SEMA4F: variants seen among roughly 807,000 people sequenced by gnomAD.
The protein encoded by SEMA4F is semaphorin-4F.
SEMA4F carries 51 observed loss-of-function variants against 78.4 expected under a neutral mutation model. The ratio of observed to expected loss-of-function variants is 0.65; its 90% CI spans 0.52 to 0.82. SEMA4F has a LOEUF of 0.82. Among genes scored for constraint, SEMA4F ranks in the 40% least tolerant of loss-of-function variants. The pLI is 0.00. For synonymous variants in SEMA4F, 418 were observed against 408.7 expected (o/e 1.02, Z -0.27); for missense variants, 938 against 1,014.4 (o/e 0.92, Z 1.02).
the SEMA4F span, among the ~76,000 whole-genome samples, chr2:74,701,568 T>A: frequency 1.3e-5 from 2 of 152,284 alleles, no homozygotes; most frequent in East Asian, 3.9e-4. Context: ...TGCTCTGAGC[T>A]CTCGCCATGC....
Position 74,675,007 on chromosome 2 carries a change from A to G in SEMA4F, c.1121A>G (p.Asn374Ser). ...AACAGAGGACTGCCTGTCGTGGACA[A>G]TGATGTGCCCCAGCCCAGACCTGGA... The part of the protein sequence containing the change: ...DCNRGLPVVD[N>S]DVPQPRPGEC... Residue 374 changes from asparagine (N) to serine (S), a missense_variant, in exon 9 of 14, where the codon AAT becomes AGT. Physicochemically the swap from Asn to Ser is conservative, Grantham distance 46. Transcript: ENST00000357877. The G allele has an allele frequency of 1.2e-6, 2 of 1,613,978 alleles. No individual in the cohort carries two copies. Among genetic ancestry groups the G allele is most frequent in the Admixed American group, 1.7e-5 (1 of 60,020 alleles).
the SEMA4F span, among the ~76,000 whole-genome samples, chr2:74,692,971 A>G: frequency 1.3e-5 from 2 of 152,266 alleles, no homozygotes; most frequent in Non-Finnish European, 2.9e-5. Context: ...AGCATTTAGG[A>G]CATGCTGAAA....
At chr2:74,689,833 A>G in the SEMA4F span, among the ~76,000 whole-genome samples, 1 of 152,212 alleles carries the variant, frequency 6.6e-6, no homozygotes, top group Non-Finnish European at 1.5e-5. Context: ...AATGATGAAG[A>G]AAAAAATGAG....
chr2:74,654,659 G>C (rs1684024289), intron 1 of SEMA4F, 138 bp downstream of exon 1: 1 of 702,464 alleles, frequency 1.4e-6, no homozygotes, highest in Non-Finnish European at 2.2e-6. Context: ...GCCCCGCCGG[G>C]ACCGGGGCGA....
the SEMA4F span, among the ~76,000 whole-genome samples, chr2:74,697,929 G>T: frequency 2.0e-5 from 3 of 152,044 alleles, no homozygotes; most frequent in African/African-American, 7.2e-5. Flanking sequence ...CTGTGCACTG[G>T]CCTCAGCCAC....
intron 4 of SEMA4F, among the ~76,000 whole-genome samples, chr2:74,661,697 A>C (rs1684433252): frequency 6.6e-6 from 1 of 152,066 alleles, no homozygotes; most frequent in Non-Finnish European, 1.5e-5. Context: ...CTTCTTCCAG[A>C]CTCTCAGTAA....
the SEMA4F span, among the ~76,000 whole-genome samples, chr2:74,693,867 G>A: frequency 6.6e-6 from 1 of 152,044 alleles, no homozygotes; most frequent in Non-Finnish European, 1.5e-5. Flanking sequence ...GTTCCCAGTA[G>A]TGATAGATAT....
chr2:74,702,072 C>T, the SEMA4F span, among the ~76,000 whole-genome samples: 1 of 152,132 alleles, frequency 6.6e-6, no homozygotes, highest in Non-Finnish European at 1.5e-5. Flanking sequence ...CTCTTCCGAG[C>T]CTCTCAAAAA....
At chr2:74,704,038 G>A in the SEMA4F span, among the ~76,000 whole-genome samples, 3 of 152,134 alleles carry the variant, frequency 2.0e-5, no homozygotes, top group Non-Finnish European at 4.4e-5. Flanking sequence ...CAGGGGAGAA[G>A]ACAGGCAGGA....
At chr2:74,673,919 C>A in intron 7 of SEMA4F, 91 bp downstream of exon 7, 2 of 1,420,172 alleles carry the variant, frequency 1.4e-6, no homozygotes, top group Non-Finnish European at 1.9e-6. Context: ...GTCTTTGAAT[C>A]TCTCCTGTGT....
intron 1 of SEMA4F, among the ~76,000 whole-genome samples, chr2:74,655,071 G>A (rs1015485398): frequency 5.9e-5 from 9 of 152,042 alleles, no homozygotes; most frequent in Non-Finnish European, 8.8e-5. Flanking sequence ...CATCATCCGA[G>A]CCTCTTGGCC....
intron 13 of SEMA4F, 111 bp downstream of exon 13, chr2:74,679,445 A>C (rs1457879814): frequency 5.5e-6 from 8 of 1,466,246 alleles, no homozygotes; most frequent in Non-Finnish European, 7.6e-6. Context: ...AAGATGTGGC[A>C]GCCAGGAACC....
rs1685680622 is a variant in SEMA4F at position 74,682,577 on chromosome 2, T to G, written c.*2368T>G. 6.6e-6 allele frequency: 1 copy of G among 152,236 alleles called. No individual in the cohort carries two copies. Among genetic ancestry groups the G allele is most frequent in the African/African-American group, 2.4e-5 (1 of 41,420 alleles). The allele number at this position is 152,236 out of a possible 1,614,324, so 9.4% of individuals were successfully genotyped here. On this transcript the variant is annotated 3_prime_UTR_variant, in exon 14 of 14. Transcript: ENST00000357877. Reference sequence around the variant, plus strand: ...GGAGGCAGATCTATGATTTTTGTAATCCTCAGACCTGTCTGACCTTAGTGG... The same window carrying G: ...GGAGGCAGATCTATGATTTTTGTAAGCCTCAGACCTGTCTGACCTTAGTGG...
chr2:74,709,341 G>T, the SEMA4F span, among the ~76,000 whole-genome samples: 8 of 152,202 alleles, frequency 5.3e-5, no homozygotes, highest in Non-Finnish European at 1.0e-4. Context: ...TGAATGAAAA[G>T]AACTGTCAGC....
chr2:74,660,144 T>A (rs897352531), intron 4 of SEMA4F, among the ~76,000 whole-genome samples: 3 of 152,234 alleles, frequency 2.0e-5, no homozygotes, highest in Admixed American at 2.0e-4. Context: ...GTTTAATTCT[T>A]ATCACCACAT....
chr2:74,691,353 A>G, the SEMA4F span, among the ~76,000 whole-genome samples: 2 of 152,328 alleles, frequency 1.3e-5, no homozygotes, highest in South Asian at 4.1e-4. Context: ...AGCCCTCTCA[A>G]CTTTGGACAA....
chr2:74,704,552 G>A, the SEMA4F span, among the ~76,000 whole-genome samples: 1 of 151,764 alleles, frequency 6.6e-6, no homozygotes, highest in Non-Finnish European at 1.5e-5. Flanking sequence ...TGCATGTAGA[G>A]TATAGCACCA....
rs1349312559 is a variant in SEMA4F, at chr2:74,654,345, T to A, written c.-32T>A. On this transcript the variant is annotated 5_prime_UTR_variant, in exon 1 of 14. Transcript: ENST00000357877. ...GGGGCCCTGAGCAGAGGCCGTAGCT[T>A]GCGCCGCACCCGCGGCCAGGCGGAG... 1 of 1,453,554 alleles carries A rather than the reference T, an allele frequency of 6.9e-7. No individual in the cohort carries two copies. The highest frequency in any genetic ancestry group is 2.8e-5 in the East Asian group (1 of 35,304). The allele number at this position is 1,453,554 out of a possible 1,614,324, so 90.0% of individuals were successfully genotyped here. A position where few individuals can be genotyped will look rare whatever the true frequency, so the allele number is the denominator to read the frequency against.
chr2:74,668,929 CA>C (rs1308342967), intron 5 of SEMA4F, among the ~76,000 whole-genome samples: 718 of 55,642 alleles, frequency 0.013, 4 homozygotes, highest in African/African-American at 0.039. Context: ...CAAGCGTGGC[CA>C]AAAAAAAAAA....
Sources: gnomAD v4.1 joint callset for allele counts (sites outside exome capture counted in the v4.1 genomes callset) on GRCh38, gnomAD v4.1.1 for gene constraint, MANE v1.5 for transcripts, NCBI Gene and HGNC (gene_info 2026-07-23, HGNC 2026-07-21) for gene names.